HSPA4L: variants seen among roughly 807,000 people sequenced by gnomAD.
The protein encoded by HSPA4L is heat shock protein family A (Hsp70) member 4 like.
In HSPA4L, 48 loss-of-function variants were observed where a neutral mutation model predicts 100.3. The ratio of observed to expected loss-of-function variants is 0.48; its 90% CI spans 0.38 to 0.61. The LOEUF (loss-of-function observed/expected upper bound fraction) is 0.61. HSPA4L is among the 20% of genes least tolerant of loss of function. HSPA4L has a pLI of 0.00. For missense variants in HSPA4L, 886 were observed against 988.6 expected, an observed-to-expected ratio of 0.90 and a Z score of 1.39; for synonymous variants, 319 against 328.2, an observed-to-expected ratio of 0.97 and a Z score of 0.30.
At chr4:127,827,202 C>A in intron 16 of HSPA4L, 103 bp from the exon 17 acceptor site, 1 of 892,622 alleles carries the variant, frequency 1.1e-6, no homozygotes, top group Non-Finnish European at 1.7e-6. Flanking sequence ...ATATTTTTAT[C>A]TGTCCATCTT....
intron 14 of HSPA4L, among the ~76,000 whole-genome samples, chr4:127,822,363 G>C (rs1416546736): frequency 1.3e-5 from 2 of 152,168 alleles, no homozygotes; most frequent in African/African-American, 4.8e-5. Context: ...TTAAAATGAA[G>C]TAAAATACTA....
chr4:127,783,800 C>T (rs1482001172), intron 1 of HSPA4L: 2 of 863,798 alleles, frequency 2.3e-6, no homozygotes, highest in East Asian at 2.7e-5. Flanking sequence ...CTATGGAAAG[C>T]TTTAAAATAT....
chr4:127,831,438 C>T (rs1163150868), intron 18 of HSPA4L, among the ~76,000 whole-genome samples: 1 of 145,490 alleles, frequency 6.9e-6, no homozygotes, highest in Non-Finnish European at 1.5e-5. Flanking sequence ...GAATTTGAGG[C>T]AGTAGTGAGC....
At chr4:127,803,325 G>T (rs1733247232) in intron 6 of HSPA4L, among the ~76,000 whole-genome samples, 1 of 150,650 alleles carries the variant, frequency 6.6e-6, no homozygotes, top group Non-Finnish European at 1.5e-5. Context: ...GTTCAGTGCT[G>T]TTGTAGAACC....
chr4:127,822,682 G>T (rs1733843157), intron 14 of HSPA4L, 87 bp from the exon 15 acceptor site: 2 of 1,246,836 alleles, frequency 1.6e-6, no homozygotes, highest in Non-Finnish European at 2.3e-6. Context: ...AATCATCCTA[G>T]TGAGTGTGAA....
chr4:127,822,827 T>C lies in HSPA4L; in HGVS notation c.1871T>C (p.Val624Ala). The C allele has an allele frequency of 6.2e-7, 1 of 1,613,664 alleles. No homozygotes were observed. Among genetic ancestry groups the C allele is most frequent in the Non-Finnish European group, 8.5e-7 (1 of 1,179,664 alleles). ...EKERNDAKNA[V>A]EEYVYDFRDR... Reference sequence around the variant, plus strand: ...GAAAGAAATGATGCTAAGAATGCCGTTGAAGAATATGTATATGATTTTAGA... The same window carrying C: ...GAAAGAAATGATGCTAAGAATGCCGCTGAAGAATATGTATATGATTTTAGA... Residue 624 changes from valine (V) to alanine (A), a missense_variant, in exon 15 of 19, where the codon GTT becomes GCT. Transcript: ENST00000296464.
intron 12 of HSPA4L, among the ~76,000 whole-genome samples, chr4:127,813,699 G>A (rs1405881545): frequency 1.3e-5 from 2 of 152,184 alleles, no homozygotes; most frequent in Non-Finnish European, 2.9e-5. Flanking sequence ...CTGGAGTGCA[G>A]TGGCACAATC....
In HSPA4L at chr4:127,836,533, G is replaced by T. The variant is rs1007272417; in HGVS notation, c.*3659G>T. On this transcript the variant is annotated 3_prime_UTR_variant, in exon 19 of 19. Transcript: ENST00000296464. The stretch of plus-strand genomic sequence containing the variant: ...TTCTTAGACTTTTTTTGGGAGGGAG[G>T]CGTCAATTTTTAGTATATTTGTGAT... 3.3e-5 allele frequency: 5 copies of T among 151,852 alleles called. No homozygotes were observed. The highest frequency in any genetic ancestry group is 5.9e-5 in the Non-Finnish European group (4 of 67,958). 9.4% of individuals were successfully genotyped at this position (151,852 alleles called of 1,614,324 possible).
At chr4:127,787,770 T>A (rs1392921325) in intron 1 of HSPA4L, among the ~76,000 whole-genome samples, 1 of 152,128 alleles carries the variant, frequency 6.6e-6, no homozygotes, top group Non-Finnish European at 1.5e-5. Context: ...TTGCTTTTTT[T>A]AAATCAAATT....
At position 127,832,670 on chromosome 4, in the gene HSPA4L, T is replaced by C; in HGVS notation, c.2329-13T>C. 1 of 1,568,210 alleles carries C rather than the reference T, an allele frequency of 6.4e-7. No homozygotes were observed. Among genetic ancestry groups the C allele is most frequent in the South Asian group, 1.2e-5 (1 of 82,214 alleles). On this transcript the variant is annotated splice_polypyrimidine_tract_variant and intron_variant, in intron 18 of 18. Transcript: ENST00000296464. ...TAATCGTTTTAATATAATCAATTTCTTCATGTCTTTAGGAACTGGATAATT... is the reference window on the plus strand; with the variant it reads ...TAATCGTTTTAATATAATCAATTTCCTCATGTCTTTAGGAACTGGATAATT...
At chr4:127,808,296 C>A (rs1417659318) in intron 11 of HSPA4L, among the ~76,000 whole-genome samples, 167 bp downstream of exon 11, 1 of 152,122 alleles carries the variant, frequency 6.6e-6, no homozygotes, top group African/African-American at 2.4e-5. Flanking sequence ...CAGTTTATTT[C>A]TATAATGACA....
At chr4:127,809,439 C>G in intron 11 of HSPA4L, 1 of 1,214,454 alleles carries the variant, frequency 8.2e-7, no homozygotes, top group Non-Finnish European at 1.2e-6. Context: ...ATTTGGGAAC[C>G]TGATTCTTCC....
Position 127,838,548 on chromosome 4 carries a change from G to A in HSPA4L, c.*5674G>A, listed in dbSNP as rs1330529696. 1.3e-5 allele frequency: 2 copies of A among 152,088 alleles called. No homozygotes were observed. Among genetic ancestry groups the A allele is most frequent in the Non-Finnish European group, 2.9e-5 (2 of 68,026 alleles). 9.4% of individuals were successfully genotyped at this position (152,088 alleles called of 1,614,324 possible). A position where few individuals can be genotyped will look rare whatever the true frequency, so the allele number is the denominator to read the frequency against. Reference sequence around the variant, plus strand: ...TTTGCTTTGGAATCTCTAATTTACGGTCATGCCCTAAGTCACAGGATGATT... The same window carrying A: ...TTTGCTTTGGAATCTCTAATTTACGATCATGCCCTAAGTCACAGGATGATT... On this transcript the variant is annotated 3_prime_UTR_variant, in exon 19 of 19. Coordinates refer to ENST00000296464, the MANE Select transcript of HSPA4L (RefSeq NM_014278.4).
At chr4:127,789,219 C>A (rs567382182) in intron 1 of HSPA4L, among the ~76,000 whole-genome samples, 1 of 152,168 alleles carries the variant, frequency 6.6e-6, no homozygotes, top group African/African-American at 2.4e-5. Flanking sequence ...GATTTTTATG[C>A]CCCTCTCCTA....
chr4:127,798,754 AGT>A (rs781458239), intron 4 of HSPA4L, 45 bp downstream of exon 4: 2 of 1,576,414 alleles, frequency 1.3e-6, no homozygotes, highest in Non-Finnish European at 1.7e-6. Context: ...TATATTTTAC[AGT>A]GTATTAATGT....
In HSPA4L at chr4:127,808,052, T is replaced by TGTG. The variant is rs752083255; in HGVS notation, c.1301_1302insGTG (p.Phe434delinsLeuCys). ...GCCCCATTCTCAAAAGTCATTACTT[T>TGTG]CCACAAGAAGGAACCATTTGAACTA... On this transcript the variant is annotated protein_altering_variant, in exon 11 of 19. Transcript: ENST00000296464. The TGTG allele has an allele frequency of 6.2e-7, 1 of 1,613,044 alleles. No individual in the cohort carries two copies. Among genetic ancestry groups the TGTG allele is most frequent in the East Asian group, 2.2e-5 (1 of 44,786 alleles).
intron 18 of HSPA4L, among the ~76,000 whole-genome samples, chr4:127,831,501 TAAAAAAAAA>T (rs770152039): frequency 9.7e-6 from 1 of 103,430 alleles, no homozygotes; most frequent in Non-Finnish European, 1.9e-5. Context: ...CCTTGTCTAT[TAAAAAAAAA>T]AAAAAAAAAA....
intron 1 of HSPA4L, among the ~76,000 whole-genome samples, chr4:127,788,555 G>C (rs992523828): frequency 3.3e-5 from 5 of 152,152 alleles, no homozygotes; most frequent in Non-Finnish European, 7.4e-5. Context: ...TTTTTCCCAA[G>C]CTTATTTGAA....
In HSPA4L at chr4:127,812,640, TTTTG is replaced by T. The variant is rs561988894; in HGVS notation, c.1578+1016_1578+1019del. 2.9e-4 allele frequency: 196 copies of T among 664,566 alleles called. 1 individual carries two copies. The highest frequency in any genetic ancestry group is 8.0e-4 in the Middle Eastern group (2 of 2,514). 41.2% of individuals were successfully genotyped at this position (664,566 alleles called of 1,614,324 possible). A position where few individuals can be genotyped will look rare whatever the true frequency, so the allele number is the denominator to read the frequency against. On this transcript the variant is annotated intron_variant, in intron 12 of 18. Coordinates refer to ENST00000296464, the MANE Select transcript of HSPA4L (RefSeq NM_014278.4). ...TACAATTGGAAGTCTGCCCTAGATT[TTTTG>T]TTTGTTTGTTTTTGTTTTGTTTTGT...
Sources: allele counts gnomAD v4.1 joint callset (sites outside exome capture counted in the v4.1 genomes callset), GRCh38; gene constraint gnomAD v4.1.1; transcripts MANE v1.5; gene names NCBI Gene and HGNC (gene_info 2026-07-23, HGNC 2026-07-21).